Variants in CPA6 observed in about 807,000 individuals in gnomAD.
The protein encoded by CPA6 is carboxypeptidase A6.
In CPA6, 58 loss-of-function variants were observed where a neutral mutation model predicts 63.3. That is an observed-to-expected ratio of 0.92 (90% CI 0.74 to 1.14). The LOEUF (loss-of-function observed/expected upper bound fraction) is 1.14. CPA6 is among the 50% of genes most tolerant of loss of function. The pLI is 0.00. For missense variants in CPA6, 565 were observed against 526.6 expected, an observed-to-expected ratio of 1.07 and a Z score of -0.71; for synonymous variants, 185 against 179.0, an observed-to-expected ratio of 1.03 and a Z score of -0.27.
At chr8:67,522,859 C>A (rs1323952883) in intron 2 of CPA6, among the ~76,000 whole-genome samples, 1 of 152,242 alleles carries the variant, frequency 6.6e-6, no homozygotes, top group Non-Finnish European at 1.5e-5. Flanking sequence ...ACAAGCTGAG[C>A]ACAACCTACT....
chr8:67,581,886 A>G lies in CPA6; in HGVS notation c.192+42290T>C, dbSNP rs529446566. On this transcript the variant is annotated intron_variant, in intron 2 of 10. Transcript: ENST00000297770. ...TATTAGGGAAGGATCGTAAGATTGCATAAGCAAACAAAAAGTACCAGTCTG... is the reference window on the plus strand; with the variant it reads ...TATTAGGGAAGGATCGTAAGATTGCGTAAGCAAACAAAAAGTACCAGTCTG... 8.5e-5 allele frequency among the ~76,000 whole-genome samples: 13 copies of G among 152,324 alleles called. 1 individual carries two copies. The East Asian group carries it at 2.5e-3, about 29-fold the overall frequency.
chr8:67,614,273 G>C (rs1814886068), intron 2 of CPA6, among the ~76,000 whole-genome samples: 1 of 152,210 alleles, frequency 6.6e-6, no homozygotes, highest in Admixed American at 6.5e-5. Context: ...TTTGAGCAGT[G>C]GGGTGACTGA....
chr8:67,491,475 A>G (rs1465273045), intron 6 of CPA6, among the ~76,000 whole-genome samples: 1 of 152,204 alleles, frequency 6.6e-6, no homozygotes, highest in Non-Finnish European at 1.5e-5. Context: ...TGAAGACTAG[A>G]AAATGTTGCC....
chr8:67,425,737 T>G (rs1719440214), intron 10 of CPA6, among the ~76,000 whole-genome samples: 1 of 152,152 alleles, frequency 6.6e-6, no homozygotes, highest in African/African-American at 2.4e-5. Flanking sequence ...AGATTCCCTT[T>G]GCTTCAGTTA....
chr8:67,676,163 G>T (rs1278257946), intron 1 of CPA6, among the ~76,000 whole-genome samples: 1 of 152,196 alleles, frequency 6.6e-6, no homozygotes, highest in Admixed American at 6.5e-5. Context: ...TTTTAGCGGG[G>T]TTAAGGAAGT....
At chr8:67,615,225 A>C (rs1814914511) in intron 2 of CPA6, among the ~76,000 whole-genome samples, 1 of 152,150 alleles carries the variant, frequency 6.6e-6, no homozygotes, top group African/African-American at 2.4e-5. Flanking sequence ...AAAATAGGCA[A>C]CTTTAATTAA....
intron 2 of CPA6, among the ~76,000 whole-genome samples, chr8:67,531,290 A>C (rs527838942): frequency 4.3e-4 from 66 of 152,304 alleles, no homozygotes; most frequent in Non-Finnish European, 6.9e-4. Context: ...CAGTAAGCAC[A>C]GTAAATAAAC....
chr8:67,693,094 C>T (rs1200307191), intron 1 of CPA6, among the ~76,000 whole-genome samples: 1 of 152,190 alleles, frequency 6.6e-6, no homozygotes, highest in Non-Finnish European at 1.5e-5. Context: ...TATCAAAGCA[C>T]TGGCAAATGT....
intron 2 of CPA6, among the ~76,000 whole-genome samples, chr8:67,564,335 G>A (rs978627541): frequency 2.6e-5 from 4 of 151,566 alleles, no homozygotes; most frequent in African/African-American, 7.3e-5. Context: ...TTGTTTGTTT[G>A]TTTGGGGTTT....
At chr8:67,558,822 T>C (rs1238674709) in intron 2 of CPA6, among the ~76,000 whole-genome samples, 1 of 152,178 alleles carries the variant, frequency 6.6e-6, no homozygotes, top group African/African-American at 2.4e-5. Context: ...TCTGGTCACA[T>C]TCCATCATGA....
At chr8:67,704,867 G>A (rs1817099627) in intron 1 of CPA6, among the ~76,000 whole-genome samples, 1 of 152,116 alleles carries the variant, frequency 6.6e-6, no homozygotes, top group African/African-American at 2.4e-5. Context: ...CACATAACAT[G>A]CTCCTTGGAT....
At chr8:67,699,597 T>A (rs1328378376) in intron 1 of CPA6, among the ~76,000 whole-genome samples, 4 of 152,028 alleles carry the variant, frequency 2.6e-5, no homozygotes, top group Admixed American at 2.0e-4. Flanking sequence ...TTCTTTTTTT[T>A]TTTTCTTGAG....
At chr8:67,428,166 T>C in intron 9 of CPA6, 35 bp from the exon 10 acceptor site, 1 of 1,335,024 alleles carries the variant, frequency 7.5e-7, no homozygotes, top group Non-Finnish European at 1.1e-6. Context: ...TATATATTGT[T>C]GCATTGAAAC....
chr8:67,437,582 T>A (rs1429068248), intron 8 of CPA6, among the ~76,000 whole-genome samples: 1 of 152,064 alleles, frequency 6.6e-6, no homozygotes, highest in Non-Finnish European at 1.5e-5. Flanking sequence ...ACAATAATCC[T>A]AACAAATATT....
At chr8:67,705,455 A>G (rs958516357) in intron 1 of CPA6, among the ~76,000 whole-genome samples, 4 of 152,164 alleles carry the variant, frequency 2.6e-5, no homozygotes, top group Non-Finnish European at 5.9e-5. Flanking sequence ...CTGCCAGGTA[A>G]TGGGGGCAAA....
chr8:67,538,628 C>G (rs933087322), intron 2 of CPA6, among the ~76,000 whole-genome samples: 4 of 151,096 alleles, frequency 2.6e-5, no homozygotes, highest in Non-Finnish European at 5.9e-5. Context: ...TACAGCACAC[C>G]AATGGGTCTT....
At chr8:67,660,823 T>C (rs757366058) in intron 1 of CPA6, among the ~76,000 whole-genome samples, 2 of 152,138 alleles carry the variant, frequency 1.3e-5, no homozygotes, top group Non-Finnish European at 2.9e-5. Flanking sequence ...GTTTATTTTG[T>C]TATAGTTCAC....
At chr8:67,711,301 C>A (rs1817254597) in intron 1 of CPA6, among the ~76,000 whole-genome samples, 2 of 152,200 alleles carry the variant, frequency 1.3e-5, no homozygotes, top group African/African-American at 4.8e-5. Flanking sequence ...TTGTTACATG[C>A]AAACAATAAA....
chr8:67,472,369 TTTA>T (rs1811078126), intron 8 of CPA6, among the ~76,000 whole-genome samples: 1 of 65,358 alleles, frequency 1.5e-5, no homozygotes. Flanking sequence ...TTGTAAAAGA[TTTA>T]TTTTTTTATT....
Sources: allele counts gnomAD v4.1 joint callset (sites outside exome capture counted in the v4.1 genomes callset), GRCh38; gene constraint gnomAD v4.1.1; transcripts MANE v1.5; gene names NCBI Gene and HGNC (gene_info 2026-07-23, HGNC 2026-07-21).